Variants in SHISA6 observed in about 807,000 individuals in gnomAD.
The protein encoded by SHISA6 is shisa family member 6, also known as protein shisa-6.
Under a neutral mutation model 47.9 loss-of-function variants are expected in SHISA6, and 22 were observed. The observed-to-expected ratio is 0.46, with a 90% confidence interval of 0.33 to 0.66. The LOEUF is 0.66. Among genes scored for constraint, SHISA6 ranks in the 30% least tolerant of loss-of-function variants. The probability of loss-of-function intolerance (pLI) is 0.02; values close to 1 mark genes in which losing one functional copy is unlikely to be tolerated. For missense variants in SHISA6, 680 were observed against 764.6 expected (o/e 0.89, Z 1.30); for synonymous variants, 388 against 337.8 (o/e 1.15, Z -1.63).
rs183834035 is a variant in SHISA6 at position 11,459,379 on chromosome 17, A to C, written c.895+79870A>C. On this transcript the variant is annotated intron_variant, in intron 3 of 5. Transcript: ENST00000441885. Reference sequence around the variant, plus strand: ...ATGCCCCTGCTATAGCATTGCTCAGAGTCTGCCCTGGATAATAAGGAGTTA... The same window carrying C: ...ATGCCCCTGCTATAGCATTGCTCAGCGTCTGCCCTGGATAATAAGGAGTTA... 7.2e-5 allele frequency among the ~76,000 whole-genome samples: 11 copies of C among 152,226 alleles called. No individual in the cohort carries two copies. The East Asian group carries it at 1.9e-3, about 27-fold the overall frequency.
intron 3 of SHISA6, among the ~76,000 whole-genome samples, chr17:11,424,970 G>T (rs1244024964): frequency 3.1e-5 from 4 of 130,118 alleles, no homozygotes; most frequent in Admixed American, 2.8e-4. Context: ...TCGCGCCACT[G>T]CACTCCAGCC....
chr17:11,459,111 C>G (rs560677412), intron 3 of SHISA6, among the ~76,000 whole-genome samples: 9 of 150,298 alleles, frequency 6.0e-5, no homozygotes, highest in Admixed American at 4.7e-4. Flanking sequence ...CCCAGCTACT[C>G]GGGAGACTGA....
At chr17:11,334,600 C>A (rs1272824050) in intron 2 of SHISA6, among the ~76,000 whole-genome samples, 2 of 152,170 alleles carry the variant, frequency 1.3e-5, no homozygotes, top group African/African-American at 4.8e-5. Flanking sequence ...GGAGTCCTGG[C>A]CACAATGGCC....
At position 11,496,305 on chromosome 17, in the gene SHISA6, G is replaced by A. The variant is rs187507297; in HGVS notation, c.896-55591G>A. On this transcript the variant is annotated intron_variant, in intron 3 of 5. Coordinates refer to ENST00000441885, the MANE Select transcript of SHISA6 (RefSeq NM_207386.4). ...ACACCCTTCCATCCACCACAGGTGA[G>A]ACTTCAAAGCAAACTCTCCAAGTGC... Among the ~76,000 whole-genome samples, 23 of 152,296 alleles carry A rather than the reference G, an allele frequency of 1.5e-4. No individual in the cohort carries two copies. The East Asian group carries it at 4.3e-3, about 28-fold the overall frequency.
intron 3 of SHISA6, among the ~76,000 whole-genome samples, chr17:11,528,238 A>G (rs1014547832): frequency 7.2e-5 from 11 of 152,212 alleles, no homozygotes; most frequent in Admixed American, 2.0e-4. Context: ...GGATCAATAT[A>G]AAGAAGACAG....
chr17:11,462,755 G>C (rs991516674), intron 3 of SHISA6, among the ~76,000 whole-genome samples: 2 of 152,144 alleles, frequency 1.3e-5, no homozygotes, highest in African/African-American at 4.8e-5. Flanking sequence ...AGCCTCCTGA[G>C]TAGCTGGGAT....
chr17:11,381,902 G>C (rs114647586), intron 3 of SHISA6, among the ~76,000 whole-genome samples: 1 of 152,036 alleles, frequency 6.6e-6, no homozygotes, highest in Admixed American at 6.6e-5. Context: ...TTTTCTCCCC[G>C]TTCCTTTCTC....
intron 2 of SHISA6, among the ~76,000 whole-genome samples, chr17:11,323,323 T>A (rs1910770538): frequency 6.6e-6 from 1 of 152,160 alleles, no homozygotes; most frequent in Non-Finnish European, 1.5e-5. Flanking sequence ...AAAGGATTTT[T>A]CAAGGTCATT....
intron 3 of SHISA6, among the ~76,000 whole-genome samples, chr17:11,526,155 T>G (rs1441846360): frequency 6.7e-6 from 1 of 149,908 alleles, no homozygotes; most frequent in Non-Finnish European, 1.5e-5. Flanking sequence ...AAATATGGTT[T>G]CAATTATCAG....
chr17:11,280,740 G>A (rs1216662909), intron 2 of SHISA6, among the ~76,000 whole-genome samples: 1 of 152,202 alleles, frequency 6.6e-6, no homozygotes, highest in Non-Finnish European at 1.5e-5. Flanking sequence ...AACTATCAGG[G>A]TAGAAACATC....
intron 2 of SHISA6, among the ~76,000 whole-genome samples, chr17:11,268,879 C>T (rs1355947349): frequency 1.3e-5 from 2 of 152,142 alleles, no homozygotes; most frequent in African/African-American, 2.4e-5. Flanking sequence ...GGTTATGCAG[C>T]TGCTGCATGC....
At chr17:11,529,827 C>T (rs1257276795) in intron 3 of SHISA6, among the ~76,000 whole-genome samples, 1 of 152,008 alleles carries the variant, frequency 6.6e-6, no homozygotes, top group Non-Finnish European at 1.5e-5. Context: ...ATTAATTACC[C>T]TAATAGGGGA....
intron 3 of SHISA6, among the ~76,000 whole-genome samples, chr17:11,442,534 T>G (rs1915119995): frequency 6.6e-6 from 1 of 152,300 alleles, no homozygotes; most frequent in African/African-American, 2.4e-5. Flanking sequence ...AAGCCTCAGT[T>G]TCCTGAACAG....
intron 2 of SHISA6, among the ~76,000 whole-genome samples, chr17:11,361,684 A>G (rs541343911): frequency 6.6e-6 from 1 of 152,328 alleles, no homozygotes; most frequent in East Asian, 1.9e-4. Context: ...TGAACATTCC[A>G]GGGCTCAGAG....
chr17:11,526,705 T>TAAGCATTTTGCTG (rs1289874901), intron 3 of SHISA6, among the ~76,000 whole-genome samples: 67 of 152,172 alleles, frequency 4.4e-4, no homozygotes, highest in African/African-American at 1.4e-3. Flanking sequence ...ATGGAGCATT[T>TAAGCATTTTGCTG]AAGCATTTTG....
intron 2 of SHISA6, among the ~76,000 whole-genome samples, chr17:11,274,512 T>C (rs1908804545): frequency 6.6e-6 from 1 of 152,110 alleles, no homozygotes; most frequent in Admixed American, 6.5e-5. Flanking sequence ...CCCAGGGATG[T>C]GGAGCGTGGA....
intron 2 of SHISA6, among the ~76,000 whole-genome samples, chr17:11,367,143 G>A (rs185395558): frequency 2.8e-4 from 43 of 152,262 alleles, no homozygotes; most frequent in African/African-American, 8.4e-4. Context: ...GAAATGGGAC[G>A]GTGACTTGGC....
intron 3 of SHISA6, among the ~76,000 whole-genome samples, chr17:11,404,242 A>G (rs1029587488): frequency 2.0e-5 from 3 of 152,308 alleles, no homozygotes; most frequent in Non-Finnish European, 2.9e-5. Flanking sequence ...CATTCGTTCA[A>G]TCTGTGACTT....
chr17:11,271,818 C>T (rs868424690), intron 2 of SHISA6, among the ~76,000 whole-genome samples: 1 of 151,998 alleles, frequency 6.6e-6, no homozygotes, highest in East Asian at 1.9e-4. Context: ...CCTTCTGTGC[C>T]TGGGACCCCA....
Sources: gnomAD v4.1 joint callset for allele counts (sites outside exome capture counted in the v4.1 genomes callset) on GRCh38, gnomAD v4.1.1 for gene constraint, MANE v1.5 for transcripts, NCBI Gene and HGNC (gene_info 2026-07-23, HGNC 2026-07-21) for gene names.